The following WDTC1 variants were observed in gnomAD, a reference collection of about 807,000 sequenced individuals.
The protein encoded by WDTC1 is WD and tetratricopeptide repeats protein 1.
A neutral mutation model predicts 76.0 loss-of-function variants in WDTC1; 12 were observed. The observed-to-expected ratio is 0.16, with a 90% CI of 0.10 to 0.26. The LOEUF (loss-of-function observed/expected upper bound fraction) is 0.26, where lower values mean the gene tolerates loss of function less well. WDTC1 is among the 10% of genes least tolerant of loss of function. The pLI, the probability that WDTC1 is intolerant of heterozygous loss-of-function variation, is 1.00. For synonymous variants in WDTC1, 326 were observed against 350.8 expected (o/e 0.93, Z 0.79); for missense variants, 511 against 908.8 (o/e 0.56, Z 5.63).
At chr1:27,284,524 G>A (rs1028503066) in intron 5 of WDTC1, among the ~76,000 whole-genome samples, 3 of 152,146 alleles carry the variant, frequency 2.0e-5, no homozygotes, top group Non-Finnish European at 2.9e-5. Context: ...TTTAGAGACA[G>A]AACAATGATG....
intron 1 of WDTC1, among the ~76,000 whole-genome samples, chr1:27,242,624 CACGCCTGGCTA>C (rs1329424511): frequency 6.6e-6 from 1 of 152,214 alleles, no homozygotes; most frequent in East Asian, 1.9e-4. Flanking sequence ...TATGCACCAC[CACGCCTGGCTA>C]ATTTTTTGTA....
rs562878393 is a variant in WDTC1, at chr1:27,278,450, A to G, written c.133-3789A>G. ...TTCAAGCAAATATTGAATGCCTACTATATGACAGAAATGTTCTAGACACTG... is the reference window on the plus strand; with the variant it reads ...TTCAAGCAAATATTGAATGCCTACTGTATGACAGAAATGTTCTAGACACTG... On this transcript the variant is annotated intron_variant, in intron 3 of 15. Coordinates refer to ENST00000319394, the MANE Select transcript of WDTC1 (RefSeq NM_001276252.2). Among the ~76,000 whole-genome samples the G allele has an allele frequency of 1.9e-4, 29 of 152,330 alleles. 1 individual carries two copies. The highest frequency in any genetic ancestry group is 6.7e-4 in the African/African-American group (28 of 41,582).
At chr1:27,247,624 C>T (rs1382172793) in intron 1 of WDTC1, among the ~76,000 whole-genome samples, 2 of 151,860 alleles carry the variant, frequency 1.3e-5, no homozygotes, top group Admixed American at 6.6e-5. Context: ...TAATGGCCTC[C>T]GGCTCCATTC....
chr1:27,234,594 G>C (rs12739808), upstream of WDTC1: 1 of 392,526 alleles, frequency 2.5e-6, no homozygotes, highest in East Asian at 3.6e-5. Context: ...GCGAGGCGCA[G>C]GGCGGAGGCG....
chr1:27,289,169 C>T (rs541829098), intron 6 of WDTC1, among the ~76,000 whole-genome samples: 2 of 144,828 alleles, frequency 1.4e-5, no homozygotes, highest in African/African-American at 5.2e-5. Flanking sequence ...GCAGAGGCGC[C>T]CCTCACCTCC....
intron 9 of WDTC1, 40 bp downstream of exon 9, chr1:27,294,669 C>A: frequency 6.4e-7 from 1 of 1,569,876 alleles, no homozygotes; most frequent in Non-Finnish European, 8.8e-7. Flanking sequence ...ATCACCATTC[C>A]ATGCCCAGCA....
intron 1 of WDTC1, among the ~76,000 whole-genome samples, chr1:27,241,692 C>T (rs557776537): frequency 6.6e-6 from 1 of 152,240 alleles, no homozygotes; most frequent in Non-Finnish European, 1.5e-5. Context: ...ACTGCAGATG[C>T]TTTTAAATAG....
chr1:27,282,222 T>C lies in WDTC1; in HGVS notation c.133-17T>C, dbSNP rs1306403687. 2.5e-6 allele frequency: 4 copies of C among 1,613,580 alleles called. No homozygotes were observed. In the African/African-American group the frequency reaches 4.0e-5, roughly 16 times the overall value. On this transcript the variant is annotated splice_polypyrimidine_tract_variant and intron_variant, in intron 3 of 15. Coordinates refer to ENST00000319394, the MANE Select transcript of WDTC1 (RefSeq NM_001276252.2). The stretch of plus-strand genomic sequence containing the variant: ...CCCTAACCAACTCTCTTCCTGTCTC[T>C]TCATTTGCTCCCCCAGGGTCACTCA...
At chr1:27,272,913 T>A (rs2012911565) in intron 3 of WDTC1, among the ~76,000 whole-genome samples, 2 of 152,092 alleles carry the variant, frequency 1.3e-5, no homozygotes. Flanking sequence ...TCTAAAAAAA[T>A]AAAAATAAAC....
intron 1 of WDTC1, among the ~76,000 whole-genome samples, chr1:27,254,388 G>A (rs1478356334): frequency 6.6e-6 from 1 of 152,072 alleles, no homozygotes; most frequent in Non-Finnish European, 1.5e-5. Flanking sequence ...ATTGATGTCA[G>A]GAGTTCAAGA....
intron 3 of WDTC1, among the ~76,000 whole-genome samples, chr1:27,269,343 A>G (rs1396500634): frequency 6.6e-6 from 1 of 150,802 alleles, no homozygotes; most frequent in Non-Finnish European, 1.5e-5. Context: ...CTGCCTCAAA[A>G]AAAAAAAAAA....
At position 27,296,384 on chromosome 1, in the gene WDTC1, A is replaced by G. The variant is rs1253947563; in HGVS notation, c.932A>G (p.Lys311Arg). The change falls in exon 10 of 16, where the codon AAA becomes AGA. Residue 311 changes from lysine (K) to arginine (R), a missense_variant. Lys to Arg is a conservative substitution (Grantham distance 26). Coordinates refer to ENST00000319394, the MANE Select transcript of WDTC1 (RefSeq NM_001276252.2). ...QRPYTFLLPRKCHSSGEVQNG... is the reference protein window; with the variant it reads ...QRPYTFLLPRRCHSSGEVQNG... ...CCGTACACCTTCCTCTTGCCTAGAAAATGCCACTCCTCGGGGGGTAAGTTC... is the reference window on the plus strand; with the variant it reads ...CCGTACACCTTCCTCTTGCCTAGAAGATGCCACTCCTCGGGGGGTAAGTTC... 2 of 1,614,030 alleles carry G rather than the reference A, an allele frequency of 1.2e-6. No individual in the cohort carries two copies. The highest frequency in any genetic ancestry group is 1.7e-6 in the Non-Finnish European group (2 of 1,180,012).
chr1:27,306,577 CCT>C lies in WDTC1; in HGVS notation c.*195_*196del. The C allele has an allele frequency of 1.5e-6, 1 of 664,946 alleles. No homozygotes were observed. Among genetic ancestry groups the C allele is most frequent in the African/African-American group, 1.8e-5 (1 of 55,166 alleles). The allele number at this position is 664,946 out of a possible 1,614,324, so 41.2% of individuals were successfully genotyped here. Reference sequence around the variant, plus strand: ...CTTTCGGACTCTGGGCTGATTGTCCCCTGACTATCCCCAGCCCTGAAAAAAAG... The same window carrying C: ...CTTTCGGACTCTGGGCTGATTGTCCCGACTATCCCCAGCCCTGAAAAAAAG... On this transcript the variant is annotated 3_prime_UTR_variant, in exon 16 of 16. Coordinates refer to ENST00000319394, the MANE Select transcript of WDTC1 (RefSeq NM_001276252.2). This position sits in a 1 kb window ranked among gnomAD's most constrained non-coding sequence, Gnocchi z 5.0.
chr1:27,279,703 A>T (rs1231123130), intron 3 of WDTC1, among the ~76,000 whole-genome samples: 1 of 152,036 alleles, frequency 6.6e-6, no homozygotes, highest in Non-Finnish European at 1.5e-5. Flanking sequence ...AGTAGCTGGG[A>T]CTACAGGTGC....
chr1:27,238,553 C>T (rs879514328), intron 1 of WDTC1, among the ~76,000 whole-genome samples: 5 of 151,974 alleles, frequency 3.3e-5, no homozygotes, highest in Admixed American at 6.6e-5. Flanking sequence ...GATCTCAGCT[C>T]ACTGCAACCT....
At chr1:27,248,161 T>C (rs1162669638) in intron 1 of WDTC1, among the ~76,000 whole-genome samples, 1 of 152,242 alleles carries the variant, frequency 6.6e-6, no homozygotes, top group South Asian at 2.1e-4. Flanking sequence ...CCTTTGGGTA[T>C]ATACCCAGTA....
intron 8 of WDTC1, 152 bp from the exon 9 acceptor site, chr1:27,294,362 A>G (rs946831797): frequency 4.2e-6 from 3 of 711,156 alleles, no homozygotes; most frequent in Admixed American, 5.6e-5. Flanking sequence ...ATATAAAGCA[A>G]CTAGCCCAGT....
chr1:27,294,717 A>C (rs2013637692), intron 9 of WDTC1, 88 bp downstream of exon 9: 1 of 1,058,546 alleles, frequency 9.4e-7, no homozygotes. Context: ...GCTGAGGCAG[A>C]CAAGACACAA....
In WDTC1 at chr1:27,303,985, A is replaced by G; in HGVS notation, c.1643+190A>G. ...ATGAAATGACCAACCTGCCATGCCC[A>G]TTTATGAGGCCATAACAAGGACTAA... On this transcript the variant is annotated intron_variant, in intron 14 of 15. Transcript: ENST00000319394. The surrounding 1 kb of genome is among the most constrained non-coding windows in gnomAD (Gnocchi z 4.8). 1.0e-5 allele frequency: 7 copies of G among 679,044 alleles called. No homozygotes were observed. Among genetic ancestry groups the G allele is most frequent in the Non-Finnish European group, 1.7e-5 (7 of 415,300 alleles). The allele number at this position is 679,044 out of a possible 1,614,324, so 42.1% of individuals were successfully genotyped here.
Sources: allele counts gnomAD v4.1 joint callset (sites outside exome capture counted in the v4.1 genomes callset), GRCh38; gene constraint gnomAD v4.1.1; non-coding constraint Gnocchi (gnomAD v3.1); transcripts MANE v1.5; gene names NCBI Gene and HGNC (gene_info 2026-07-23, HGNC 2026-07-21).